The following PPFIA2 variants were observed in gnomAD, a reference collection of about 807,000 sequenced individuals.
The protein encoded by PPFIA2 is liprin-alpha-2.
PPFIA2 carries 46 observed loss-of-function variants against 175.5 expected under a neutral mutation model. The ratio of observed to expected loss-of-function variants is 0.26; its 90% CI spans 0.21 to 0.34. The LOEUF (loss-of-function observed/expected upper bound fraction) is 0.34. Among genes scored for constraint, PPFIA2 ranks in the 10% least tolerant of loss-of-function variants. The pLI is 1.00. For synonymous variants in PPFIA2, 568 were observed against 511.4 expected, an observed-to-expected ratio of 1.11 and a Z score of -1.49; for missense variants, 1,179 against 1,506.1, an observed-to-expected ratio of 0.78 and a Z score of 3.60.
chr12:81,430,666 A>G (rs2047945621), intron 7 of PPFIA2: 1 of 151,924 alleles, frequency 6.6e-6, no homozygotes, highest in Admixed American at 6.6e-5. Context: ...TGCTTTTAGA[A>G]TAGCTTCCAC....
chr12:81,634,248 T>C (rs2063733858), intron 4 of PPFIA2, among the ~76,000 whole-genome samples: 1 of 152,114 alleles, frequency 6.6e-6, no homozygotes, highest in Admixed American at 6.5e-5. Context: ...GCTAAGGGTT[T>C]AAAAATGTGG....
chr12:81,451,726 G>A (rs1222831138), intron 5 of PPFIA2, among the ~76,000 whole-genome samples: 1 of 152,000 alleles, frequency 6.6e-6, no homozygotes, highest in Non-Finnish European at 1.5e-5. Flanking sequence ...TACATAATAA[G>A]TACTTAATAC....
chr12:81,524,712 T>C (rs2063540726), intron 4 of PPFIA2, among the ~76,000 whole-genome samples: 1 of 152,340 alleles, frequency 6.6e-6, no homozygotes, highest in Middle Eastern at 3.4e-3. Context: ...TTTGGGGTAA[T>C]TGAAATGAAT....
At chr12:81,460,144 T>G (rs948837474) in intron 4 of PPFIA2, among the ~76,000 whole-genome samples, 18 of 152,102 alleles carry the variant, frequency 1.2e-4, no homozygotes, top group Non-Finnish European at 1.9e-4. Flanking sequence ...AAATCTCACA[T>G]TGAATTGTAA....
At chr12:81,723,269 G>C (rs2079592853) in intron 3 of PPFIA2, among the ~76,000 whole-genome samples, 1 of 150,968 alleles carries the variant, frequency 6.6e-6, no homozygotes, top group Admixed American at 6.6e-5. Flanking sequence ...AAATATAAAA[G>C]ATAAAGGGGA....
At chr12:81,450,826 G>T (rs1297284295) in intron 5 of PPFIA2, among the ~76,000 whole-genome samples, 1 of 152,120 alleles carries the variant, frequency 6.6e-6, no homozygotes, top group African/African-American at 2.4e-5. Context: ...AAGGTGTAAG[G>T]AAGGGATCCA....
intron 7 of PPFIA2, among the ~76,000 whole-genome samples, chr12:81,423,641 A>C (rs559794259): frequency 6.6e-6 from 1 of 152,290 alleles, no homozygotes; most frequent in East Asian, 1.9e-4. Flanking sequence ...CTAACATCTT[A>C]ATCCGTGGAG....
At chr12:81,662,235 C>T (rs2069032689) in intron 4 of PPFIA2, among the ~76,000 whole-genome samples, 1 of 152,072 alleles carries the variant, frequency 6.6e-6, no homozygotes, top group African/African-American at 2.4e-5. Flanking sequence ...CATAAAAAAA[C>T]CCTTCAAAAA....
At chr12:81,410,008 A>C (rs1313270800) in intron 7 of PPFIA2, among the ~76,000 whole-genome samples, 2 of 152,086 alleles carry the variant, frequency 1.3e-5, no homozygotes, top group Non-Finnish European at 2.9e-5. Flanking sequence ...GGAGACGATA[A>C]ATGGAATTAG....
intron 4 of PPFIA2, among the ~76,000 whole-genome samples, chr12:81,590,554 C>A (rs1279787899): frequency 6.6e-6 from 1 of 151,906 alleles, no homozygotes; most frequent in Non-Finnish European, 1.5e-5. Flanking sequence ...CCACCCAAAT[C>A]TCACCTTGAA....
intron 14 of PPFIA2, among the ~76,000 whole-genome samples, chr12:81,366,695 A>G (rs1322572031): frequency 6.6e-6 from 1 of 151,808 alleles, no homozygotes; most frequent in Non-Finnish European, 1.5e-5. Flanking sequence ...ATAACTTAGC[A>G]TAATTCTATT....
chr12:81,615,156 T>C (rs781543786), intron 4 of PPFIA2, among the ~76,000 whole-genome samples: 14 of 152,190 alleles, frequency 9.2e-5, no homozygotes, highest in Non-Finnish European at 1.8e-4. Context: ...TTGGGAAAGA[T>C]AGAAAGGTAT....
intron 4 of PPFIA2, among the ~76,000 whole-genome samples, chr12:81,662,546 G>C (rs904243794): frequency 6.6e-6 from 1 of 152,152 alleles, no homozygotes; most frequent in African/African-American, 2.4e-5. Flanking sequence ...CTCTGAAATT[G>C]AGGCTATAAT....
intron 3 of PPFIA2, among the ~76,000 whole-genome samples, chr12:81,711,322 G>T (rs2077882315): frequency 6.6e-6 from 1 of 151,290 alleles, no homozygotes; most frequent in South Asian, 2.1e-4. Context: ...CTCTCAATTG[G>T]CTTTGATCAT....
At chr12:81,612,819 TTATC>T (rs948328476) in intron 4 of PPFIA2, among the ~76,000 whole-genome samples, 1 of 152,208 alleles carries the variant, frequency 6.6e-6, no homozygotes, top group Non-Finnish European at 1.5e-5. Context: ...TGTGTGAACA[TTATC>T]TACATAAATA....
chr12:81,504,150 A>C lies in PPFIA2; in HGVS notation c.304-46284T>G, dbSNP rs542785815. Among the ~76,000 whole-genome samples, 6 of 152,166 alleles carry C rather than the reference A, an allele frequency of 3.9e-5. No homozygotes were observed. In the East Asian group the frequency reaches 9.7e-4, roughly 24 times the overall value. On this transcript the variant is annotated intron_variant, in intron 4 of 32. Coordinates refer to ENST00000549396, the MANE Select transcript of PPFIA2 (RefSeq NM_003625.5). ...ATTTAAAAGTCTTAATCAATGCAAA[A>C]TTCTCTTCCTCATAAATTCTTGAAG...
At chr12:81,660,690 C>G (rs549984449) in intron 4 of PPFIA2, among the ~76,000 whole-genome samples, 2 of 152,102 alleles carry the variant, frequency 1.3e-5, no homozygotes, top group Non-Finnish European at 2.9e-5. Context: ...TCAGGAAATA[C>G]AGAGAACGCC....
chr12:81,557,168 G>C (rs763279812), intron 4 of PPFIA2, among the ~76,000 whole-genome samples: 13 of 149,648 alleles, frequency 8.7e-5, no homozygotes, highest in Non-Finnish European at 1.6e-4. Flanking sequence ...CTATGCATTA[G>C]AGAGGACAGA....
chr12:81,466,893 T>G (rs1317463524), intron 4 of PPFIA2, among the ~76,000 whole-genome samples: 1 of 147,164 alleles, frequency 6.8e-6, no homozygotes, highest in Non-Finnish European at 1.5e-5. Context: ...TATATTATAT[T>G]AAATATAATA....
Sources: gnomAD v4.1 joint callset for allele counts (sites outside exome capture counted in the v4.1 genomes callset) on GRCh38, gnomAD v4.1.1 for gene constraint, MANE v1.5 for transcripts, NCBI Gene and HGNC (gene_info 2026-07-23, HGNC 2026-07-21) for gene names.